IYD: variants seen among roughly 807,000 people sequenced by gnomAD.
IYD encodes iodotyrosine deiodinase 1.
Under a neutral mutation model 28.4 loss-of-function variants are expected in IYD, and 25 were observed. The observed-to-expected ratio is 0.88, with a 90% confidence interval of 0.64 to 1.23. The LOEUF (loss-of-function observed/expected upper bound fraction) is 1.23. IYD is among the 50% of genes most tolerant of loss of function. The probability of loss-of-function intolerance (pLI) is 0.00; values close to 1 mark genes in which losing one functional copy is unlikely to be tolerated. For missense variants in IYD, 352 were observed against 357.9 expected (o/e 0.98, Z 0.13); for synonymous variants, 140 against 130.8 (o/e 1.07, Z -0.48).
At chr6:150,392,566 C>G (rs1778162536) in intron 3 of IYD, 62 bp downstream of exon 3, 4 of 1,504,332 alleles carry the variant, frequency 2.7e-6, no homozygotes, top group Non-Finnish European at 3.7e-6. Flanking sequence ...ATCACCACCA[C>G]CACCATGTCC....
chr6:150,378,542 G>A (rs1028829890), intron 1 of IYD, among the ~76,000 whole-genome samples: 2 of 152,146 alleles, frequency 1.3e-5, no homozygotes, highest in Non-Finnish European at 2.9e-5. Flanking sequence ...GTGTATATGT[G>A]CTCACCATCA....
rs778037036 is a variant in IYD at position 150,390,078 on chromosome 6, GAA to G, written c.370+542_370+543del. Among the ~76,000 whole-genome samples the G allele has an allele frequency of 7.8e-4, 119 of 151,874 alleles. 1 individual carries two copies. The highest frequency in any genetic ancestry group is 1.0e-3 in the Non-Finnish European group (70 of 67,918). On this transcript the variant is annotated intron_variant, in intron 2 of 4. Coordinates refer to ENST00000344419, the MANE Select transcript of IYD (RefSeq NM_203395.3). ...AATGTAAATTAATATTTCCACTGAG[GAA>G]AAAAAATCAGAGCTACAGAAAATGG...
At chr6:150,373,639 T>A (rs1245005260) in intron 1 of IYD, among the ~76,000 whole-genome samples, 3 of 152,206 alleles carry the variant, frequency 2.0e-5, no homozygotes, top group African/African-American at 7.2e-5. Context: ...CGCCATGGTG[T>A]GATTATTTAC....
At chr6:150,394,920 C>G (rs560726120) in intron 4 of IYD, among the ~76,000 whole-genome samples, 1 of 152,322 alleles carries the variant, frequency 6.6e-6, no homozygotes, top group South Asian at 2.1e-4. Flanking sequence ...CCTTGACCCC[C>G]GGGCTTAAGT....
intron 4 of IYD, chr6:150,395,830 T>C (rs967128066): frequency 1.3e-4 from 77 of 603,900 alleles, no homozygotes; most frequent in Non-Finnish European, 2.1e-4. Context: ...GGGAAGTGTC[T>C]GGAAGCTACT....
In IYD at chr6:150,389,522, G is replaced by A. The variant is rs200423869; in HGVS notation, c.349G>A (p.Asp117Asn). 1.2e-4 allele frequency: 197 copies of A among 1,613,948 alleles called. No individual in the cohort carries two copies. Among genetic ancestry groups the A allele is most frequent in the Middle Eastern group, 1.2e-3 (7 of 6,084 alleles). The change falls in exon 2 of 5, where the codon GAT (aspartate) becomes AAT (asparagine). Residue 117 changes from aspartate (D) to asparagine (N), a missense_variant. Transcript: ENST00000344419. Reference protein sequence around the residue: ...SNEQVPMEVIDNVIRTAGTAP... With the variant: ...SNEQVPMEVINNVIRTAGTAP... ...TGAGCAAGTCCCAATGGAAGTCATT[G>A]ATAATGTCATCAGAACGGCAGGTTT... is the stretch of plus-strand genomic sequence containing the variant.
intron 4 of IYD, among the ~76,000 whole-genome samples, chr6:150,397,366 T>C (rs904649064): frequency 1.3e-5 from 2 of 151,928 alleles, no homozygotes; most frequent in East Asian, 3.9e-4. Context: ...CTCAGGAGTT[T>C]GAGACAAACC....
intron 1 of IYD, among the ~76,000 whole-genome samples, chr6:150,377,187 C>G (rs115308613): frequency 6.6e-6 from 1 of 152,176 alleles, no homozygotes; most frequent in Non-Finnish European, 1.5e-5. Context: ...CACAAGATTT[C>G]ATTCAAAAAG....
At chr6:150,370,394 C>A in intron 1 of IYD, 1 of 660,930 alleles carries the variant, frequency 1.5e-6, no homozygotes, top group Non-Finnish European at 1.9e-6. Context: ...TTTGTGTGTG[C>A]ATGCATGAAT....
intron 1 of IYD, among the ~76,000 whole-genome samples, chr6:150,375,329 T>C (rs1439269883): frequency 6.6e-6 from 1 of 152,152 alleles, no homozygotes; most frequent in Non-Finnish European, 1.5e-5. Flanking sequence ...CAGGGTGAAG[T>C]CATGGGACAG....
rs886061178 is a variant in IYD at position 150,401,218 on chromosome 6, T to C, written c.*2981T>C. The C allele has an allele frequency of 6.6e-6, 1 of 152,202 alleles. No homozygotes were observed. Among genetic ancestry groups the C allele is most frequent in the Non-Finnish European group, 1.5e-5 (1 of 68,032 alleles). 9.4% of individuals were successfully genotyped at this position (152,202 alleles called of 1,614,324 possible). ...ATAAGTAATTTGCCTAAAAATGCCCTCTAAGTCCATCATTAGGTTAAGCGA... is the reference window on the plus strand; with the variant it reads ...ATAAGTAATTTGCCTAAAAATGCCCCCTAAGTCCATCATTAGGTTAAGCGA... On this transcript the variant is annotated 3_prime_UTR_variant, in exon 5 of 5. Transcript: ENST00000344419.
chr6:150,393,324 A>G (rs952997803), intron 3 of IYD, among the ~76,000 whole-genome samples: 1 of 152,210 alleles, frequency 6.6e-6, no homozygotes, highest in African/African-American at 2.4e-5. Context: ...TATAGGGAGA[A>G]AAGAAATGAT....
At chr6:150,384,337 C>G (rs1777781933) in intron 1 of IYD, 2 of 152,192 alleles carry the variant, frequency 1.3e-5, no homozygotes, top group African/African-American at 4.8e-5. Context: ...TCAGTGTTTA[C>G]TCCATGGGCA....
intron 1 of IYD, among the ~76,000 whole-genome samples, chr6:150,370,899 A>G (rs1777216937): frequency 6.6e-6 from 1 of 152,212 alleles, no homozygotes; most frequent in African/African-American, 2.4e-5. Flanking sequence ...GACATGTTTG[A>G]TTTCAGACGA....
Position 150,402,517 on chromosome 6 carries a change from GAAAA to G in IYD, c.*4281_*4284del, listed in dbSNP as rs1778541111. ...TTGGAAAACAAAACTGGATATAACAGAAAAGAAAAGGAGGGGAGAAGGAAAGTTG... is the reference window on the plus strand; with the variant it reads ...TTGGAAAACAAAACTGGATATAACAGGAAAAGGAGGGGAGAAGGAAAGTTG... On this transcript the variant is annotated 3_prime_UTR_variant, in exon 5 of 5. Coordinates refer to ENST00000344419, the MANE Select transcript of IYD (RefSeq NM_203395.3). 6.6e-6 allele frequency: 1 copy of G among 152,202 alleles called. No homozygotes were observed. The highest frequency in any genetic ancestry group is 6.5e-5 in the Admixed American group (1 of 15,274). 9.4% of individuals were successfully genotyped at this position (152,202 alleles called of 1,614,324 possible). A position where few individuals can be genotyped will look rare whatever the true frequency, so the allele number is the denominator to read the frequency against.
chr6:150,397,102 A>G (rs895300306), intron 4 of IYD, among the ~76,000 whole-genome samples: 6 of 152,200 alleles, frequency 3.9e-5, no homozygotes, highest in African/African-American at 1.4e-4. Context: ...CTTCAGCAAG[A>G]AACTATATTG....
intron 4 of IYD, chr6:150,396,489 A>G (rs1369138460): frequency 2.9e-6 from 2 of 699,984 alleles, no homozygotes; most frequent in African/African-American, 3.5e-5. Flanking sequence ...TGCTAGAGAC[A>G]TACAAAATTC....
chr6:150,369,773 C>T (rs572007648), intron 1 of IYD, among the ~76,000 whole-genome samples: 18 of 152,156 alleles, frequency 1.2e-4, no homozygotes, highest in South Asian at 8.3e-4. Context: ...GGGAGTTTGA[C>T]GGTGCAGTCA....
intron 4 of IYD, chr6:150,395,434 C>T (rs375895425): frequency 3.0e-5 from 46 of 1,537,096 alleles, no homozygotes; most frequent in Middle Eastern, 1.7e-4. Context: ...GCATTGATTT[C>T]CTTCCTGAAT....
Sources: gnomAD v4.1 joint callset for allele counts (sites outside exome capture counted in the v4.1 genomes callset) on GRCh38, gnomAD v4.1.1 for gene constraint, MANE v1.5 for transcripts, NCBI Gene and HGNC (gene_info 2026-07-23, HGNC 2026-07-21) for gene names.